The following NOS1AP variants were observed in gnomAD, a reference collection of about 807,000 sequenced individuals.
NOS1AP encodes the protein nitric oxide synthase 1 adaptor protein.
In NOS1AP, 21 loss-of-function variants were observed where a neutral mutation model predicts 56.2. The ratio of observed to expected loss-of-function variants is 0.37; its 90% CI spans 0.26 to 0.54. The LOEUF (loss-of-function observed/expected upper bound fraction) is 0.54, where lower values mean the gene tolerates loss of function less well. Ranked by LOEUF, NOS1AP falls within the 20% of genes least tolerant of loss-of-function variation. NOS1AP has a pLI of 0.84. For missense variants in NOS1AP, 522 were observed against 657.8 expected (o/e 0.79, Z 2.26); for synonymous variants, 270 against 274.6 (o/e 0.98, Z 0.17).
chr1:162,153,843 T>C (rs941121999), intron 1 of NOS1AP, among the ~76,000 whole-genome samples: 1 of 152,212 alleles, frequency 6.6e-6, no homozygotes, highest in South Asian at 2.1e-4. Context: ...TTCATTCATC[T>C]TCAAAAAATT....
intron 1 of NOS1AP, among the ~76,000 whole-genome samples, chr1:162,136,369 T>C (rs974812642): frequency 1.3e-5 from 2 of 152,194 alleles, no homozygotes; most frequent in Non-Finnish European, 2.9e-5. Flanking sequence ...CTTAATCTTA[T>C]CTAACCTCTT....
chr1:162,210,515 C>G (rs1220111434), intron 2 of NOS1AP, among the ~76,000 whole-genome samples: 1 of 152,128 alleles, frequency 6.6e-6, no homozygotes, highest in Non-Finnish European at 1.5e-5. Context: ...CCATGACTGT[C>G]ATATCACCGA....
In NOS1AP at chr1:162,090,792, A is replaced by G. The variant is rs796432767; in HGVS notation, c.105+20510A>G. 1.2e-4 allele frequency among the ~76,000 whole-genome samples: 19 copies of G among 152,058 alleles called. No individual in the cohort carries two copies. The South Asian group carries it at 2.1e-3, about 17-fold the overall frequency. On this transcript the variant is annotated intron_variant, in intron 1 of 9. Coordinates refer to ENST00000361897, the MANE Select transcript of NOS1AP (RefSeq NM_014697.3). Reference sequence around the variant, plus strand: ...TTATTTCTGAATTTTTCTAATTCTAATTTATGTTGTTCTTTCATGCCTTGC... The same window carrying G: ...TTATTTCTGAATTTTTCTAATTCTAGTTTATGTTGTTCTTTCATGCCTTGC...
rs1207908053 is a variant in NOS1AP, at chr1:162,357,277, G to A, written c.939+141G>A. The A allele has an allele frequency of 3.4e-6, 5 of 1,469,760 alleles. No homozygotes were observed. In the Admixed American group the frequency reaches 6.0e-5, roughly 18 times the overall value. The allele number at this position is 1,469,760 out of a possible 1,614,324, so 91.0% of individuals were successfully genotyped here. A position where few individuals can be genotyped will look rare whatever the true frequency, so the allele number is the denominator to read the frequency against. On this transcript the variant is annotated intron_variant, in intron 8 of 9. Transcript: ENST00000361897. ...ATGCTATTGGATCATTGCTTGTTGG[G>A]GAGTGGGGGCAGCGGGAGGGGGATA... is the stretch of plus-strand genomic sequence containing the variant.
intron 1 of NOS1AP, among the ~76,000 whole-genome samples, chr1:162,077,647 T>C (rs1691797657): frequency 6.6e-6 from 1 of 152,082 alleles, no homozygotes; most frequent in African/African-American, 2.4e-5. Context: ...CTGCCTTCCA[T>C]GTCCTGTTAG....
chr1:162,074,453 A>G (rs1380433134), intron 1 of NOS1AP, among the ~76,000 whole-genome samples: 2 of 152,190 alleles, frequency 1.3e-5, no homozygotes, highest in African/African-American at 2.4e-5. Flanking sequence ...GGAAAGCACC[A>G]TGGCTCATCT....
At chr1:162,350,575 TC>T (rs1213122630) in intron 6 of NOS1AP, among the ~76,000 whole-genome samples, 1 of 152,186 alleles carries the variant, frequency 6.6e-6, no homozygotes, top group Non-Finnish European at 1.5e-5. Context: ...GTGACCCTCC[TC>T]CCCCAGCTGC....
At chr1:162,237,073 C>A (rs1277503313) in intron 2 of NOS1AP, among the ~76,000 whole-genome samples, 1 of 152,224 alleles carries the variant, frequency 6.6e-6, no homozygotes, top group Non-Finnish European at 1.5e-5. Flanking sequence ...CCGTTTACCA[C>A]TGAGGCCAGC....
At chr1:162,076,685 G>T (rs1056044570) in intron 1 of NOS1AP, among the ~76,000 whole-genome samples, 3 of 152,152 alleles carry the variant, frequency 2.0e-5, no homozygotes, top group African/African-American at 7.2e-5. Context: ...GGCCATCATG[G>T]TGAAACCCCA....
intron 2 of NOS1AP, among the ~76,000 whole-genome samples, chr1:162,254,285 T>G (rs1653956852): frequency 6.6e-6 from 1 of 152,136 alleles, no homozygotes. Flanking sequence ...GGCTATAGTT[T>G]ATAGAACACA....
rs749455601 is a variant in NOS1AP, at chr1:162,356,968, C to T, written c.771C>T (p.His257=). 6 of 1,613,986 alleles carry T rather than the reference C, an allele frequency of 3.7e-6. No individual in the cohort carries two copies. Among genetic ancestry groups the T allele is most frequent in the Admixed American group, 1.7e-5 (1 of 60,010 alleles). The change falls in exon 8 of 10, where the codon CAC becomes CAT. Residue 257 remains histidine, a synonymous_variant. Transcript: ENST00000361897. The part of the protein sequence containing the change: ...GGSHTGSKVS[H]PQEPMLTASP... ...TTCTCCTTCTCCTCCAGGTTTCGCA[C>T]CCCCAGGAGCCCATGCTGACAGCCT...
chr1:162,125,966 T>A (rs1648469904), intron 1 of NOS1AP, among the ~76,000 whole-genome samples: 1 of 152,222 alleles, frequency 6.6e-6, no homozygotes, highest in Non-Finnish European at 1.5e-5. Flanking sequence ...CATTTGGTAG[T>A]TCTCCTTGTA....
At chr1:162,119,605 C>T (rs1648116083) in intron 1 of NOS1AP, among the ~76,000 whole-genome samples, 2 of 152,140 alleles carry the variant, frequency 1.3e-5, no homozygotes, top group African/African-American at 4.8e-5. Context: ...AGGGTTCAGT[C>T]AGTTTAAGAG....
At chr1:162,137,204 A>G (rs568320213) in intron 1 of NOS1AP, among the ~76,000 whole-genome samples, 4 of 152,206 alleles carry the variant, frequency 2.6e-5, no homozygotes, top group Non-Finnish European at 5.9e-5. Flanking sequence ...TCCTGCAAAA[A>G]TGCCATTTCT....
chr1:162,157,471 G>C (rs1650021104), intron 2 of NOS1AP, among the ~76,000 whole-genome samples: 1 of 152,222 alleles, frequency 6.6e-6, no homozygotes, highest in Non-Finnish European at 1.5e-5. Flanking sequence ...TAGGGCATGG[G>C]ATTTCTGTGT....
intron 2 of NOS1AP, among the ~76,000 whole-genome samples, chr1:162,242,126 A>G (rs1443042203): frequency 3.3e-5 from 5 of 152,214 alleles, no homozygotes; most frequent in Non-Finnish European, 5.9e-5. Flanking sequence ...AATGTGTCAG[A>G]CACTCAACTA....
chr1:162,305,043 T>C (rs1470929561), intron 4 of NOS1AP, among the ~76,000 whole-genome samples: 1 of 152,198 alleles, frequency 6.6e-6, no homozygotes, highest in Non-Finnish European at 1.5e-5. Context: ...AATGAATTTT[T>C]AATTTTTTAT....
intron 1 of NOS1AP, among the ~76,000 whole-genome samples, chr1:162,151,049 T>C (rs767946299): frequency 2.2e-4 from 34 of 152,254 alleles, no homozygotes; most frequent in Non-Finnish European, 2.2e-4. Flanking sequence ...TCCAATGTCC[T>C]GGAGAGTTTC....
At chr1:162,270,744 G>T (rs565239018) in intron 2 of NOS1AP, among the ~76,000 whole-genome samples, 2 of 152,276 alleles carry the variant, frequency 1.3e-5, no homozygotes, top group South Asian at 2.1e-4. Context: ...AGTGATTTTC[G>T]AATTCTTCTT....
Sources: gnomAD v4.1 joint callset for allele counts (sites outside exome capture counted in the v4.1 genomes callset) on GRCh38, gnomAD v4.1.1 for gene constraint, MANE v1.5 for transcripts, NCBI Gene and HGNC (gene_info 2026-07-23, HGNC 2026-07-21) for gene names.